PSMG4: variants seen among roughly 807,000 people sequenced by gnomAD.
The protein encoded by PSMG4 is proteasome assembly chaperone 4.
In PSMG4, 10 loss-of-function variants were observed where a neutral mutation model predicts 11.0. The ratio of observed to expected loss-of-function variants is 0.91; its 90% CI spans 0.56 to 1.54. PSMG4 has a LOEUF of 1.54. Ranked by LOEUF, PSMG4 falls within the 40% of genes most tolerant of loss-of-function variation. PSMG4 has a pLI of 0.00. For synonymous variants in PSMG4, 95 were observed against 71.3 expected (o/e 1.33, Z -1.68); for missense variants, 198 against 160.9 (o/e 1.23, Z -1.25).
In PSMG4 at chr6:3,263,548, T is replaced by G. The variant is rs1758071485; in HGVS notation, c.175-136T>G. 12 of 692,722 alleles carry G rather than the reference T, an allele frequency of 1.7e-5. No individual in the cohort carries two copies. The East Asian group carries it at 3.6e-4, about 21-fold the overall frequency. The allele number at this position is 692,722 out of a possible 1,614,324, so 42.9% of individuals were successfully genotyped here. Reference sequence around the variant, plus strand: ...GTTGTTGACGGACGCCACCCCTCTTTCCCTCGGCACCTGTGCCTGTCCTCT... The same window carrying G: ...GTTGTTGACGGACGCCACCCCTCTTGCCCTCGGCACCTGTGCCTGTCCTCT... On this transcript the variant is annotated intron_variant, in intron 1 of 2. Transcript: ENST00000438998.
upstream of PSMG4, among the ~76,000 whole-genome samples, chr6:3,257,596 G>A (rs776105141): frequency 2.6e-5 from 4 of 152,102 alleles, no homozygotes; most frequent in Admixed American, 2.6e-4. Flanking sequence ...TGACACACAA[G>A]CAGATGAACC....
chr6:3,255,375 A>T, upstream of PSMG4: 1 of 1,416,144 alleles, frequency 7.1e-7, no homozygotes, highest in Non-Finnish European at 9.4e-7. Flanking sequence ...GTGGTGGATG[A>T]TGTTTGTTGA....
chr6:3,255,481 C>T (rs1757730505), upstream of PSMG4, among the ~76,000 whole-genome samples: 1 of 152,140 alleles, frequency 6.6e-6, no homozygotes, highest in African/African-American at 2.4e-5. Flanking sequence ...TCTTTCTCCC[C>T]AAAGGTACCT....
intron 1 of PSMG4, among the ~76,000 whole-genome samples, chr6:3,263,018 C>T (rs768234625): frequency 6.6e-5 from 10 of 152,164 alleles, no homozygotes; most frequent in Non-Finnish European, 1.2e-4. Flanking sequence ...AGCAGTTACT[C>T]CCACATCGCC....
Position 3,264,155 on chromosome 6 carries a change from A to G in PSMG4, c.250+396A>G, listed in dbSNP as rs1428914772. ...GAGGAGTCAGTGCAGCTGGTGGAGC[A>G]GGTGTCACCTCTGTGCAGGAAGGAC... On this transcript the variant is annotated intron_variant, in intron 2 of 2. Transcript: ENST00000438998. The G allele has an allele frequency of 3.2e-6, 5 of 1,546,950 alleles. No homozygotes were observed. In the South Asian group the frequency reaches 4.8e-5, roughly 15 times the overall value.
At chr6:3,259,309 C>T (rs1402489668) in intron 1 of PSMG4, 113 bp downstream of exon 1, 7 of 981,546 alleles carry the variant, frequency 7.1e-6, no homozygotes, top group African/African-American at 1.7e-5. Context: ...CGCCCTACTC[C>T]CCCGAAGCCC....
upstream of PSMG4, among the ~76,000 whole-genome samples, chr6:3,254,415 T>G (rs1485103182): frequency 6.6e-6 from 1 of 151,764 alleles, no homozygotes; most frequent in African/African-American, 2.4e-5. Context: ...GTGGCACATC[T>G]GAGGAGGTAT....
In PSMG4 at chr6:3,258,996, G is replaced by A. The variant is rs1388482259; in HGVS notation, c.-27G>A. Reference sequence around the variant, plus strand: ...GCAGCGGCGAGGACCCGGGTCTGGCGCTGTGGGCCGGGAGCCGTGGGGCGG... The same window carrying A: ...GCAGCGGCGAGGACCCGGGTCTGGCACTGTGGGCCGGGAGCCGTGGGGCGG... On this transcript the variant is annotated 5_prime_UTR_variant, in exon 1 of 3. Transcript: ENST00000438998. 2.5e-5 allele frequency: 31 copies of A among 1,240,058 alleles called. No homozygotes were observed. The highest frequency in any genetic ancestry group is 3.0e-5 in the Non-Finnish European group (30 of 991,468). 76.8% of individuals were successfully genotyped at this position (1,240,058 alleles called of 1,614,324 possible). A position where few individuals can be genotyped will look rare whatever the true frequency, so the allele number is the denominator to read the frequency against.
At chr6:3,255,318 TAACGGC>T (rs1482852672), upstream of PSMG4, 1 of 1,500,092 alleles carries the variant, frequency 6.7e-7, no homozygotes. Flanking sequence ...TGGATGAGGC[TAACGGC>T]AACTGGTGGA....
intron 1 of PSMG4, among the ~76,000 whole-genome samples, chr6:3,259,919 C>T (rs1366246438): frequency 2.6e-5 from 4 of 152,166 alleles, no homozygotes; most frequent in Non-Finnish European, 5.9e-5. Flanking sequence ...CCACAGACCG[C>T]GTGGCTTAAA....
chr6:3,263,898 T>G, intron 2 of PSMG4, 139 bp downstream of exon 2: 2 of 1,451,254 alleles, frequency 1.4e-6, no homozygotes, highest in Non-Finnish European at 1.8e-6. Context: ...AGCACAGACC[T>G]TTGCACGTTG....
upstream of PSMG4, among the ~76,000 whole-genome samples, chr6:3,255,454 CCT>C (rs1173508864): frequency 5.1e-5 from 4 of 79,024 alleles, no homozygotes; most frequent in Non-Finnish European, 9.5e-5. Flanking sequence ...CAGACCACCA[CCT>C]CTTTTATCTT....
At position 3,267,737 on chromosome 6, in the gene PSMG4, T is replaced by G. The variant is rs767879008; in HGVS notation, c.*25T>G. On this transcript the variant is annotated 3_prime_UTR_variant, in exon 3 of 3. Transcript: ENST00000438998. Reference sequence around the variant, plus strand: ...GCTGAGTGGCAGAAGTGAGAATTTGTAAACTTATGTACAATGTACGTGTAA... The same window carrying G: ...GCTGAGTGGCAGAAGTGAGAATTTGGAAACTTATGTACAATGTACGTGTAA... 2 of 1,549,200 alleles carry G rather than the reference T, an allele frequency of 1.3e-6. No individual in the cohort carries two copies. The highest frequency in any genetic ancestry group is 2.7e-5 in the African/African-American group (2 of 72,980).
chr6:3,255,084 A>G (rs1345684517), upstream of PSMG4: 5 of 1,550,896 alleles, frequency 3.2e-6, no homozygotes, highest in East Asian at 2.4e-5. Flanking sequence ...TTCTATTCCT[A>G]AGAAGTTGGC....
chr6:3,254,915 G>C (rs1757696945), upstream of PSMG4: 4 of 936,046 alleles, frequency 4.3e-6, no homozygotes, highest in East Asian at 2.6e-5. Flanking sequence ...CTCTGAGCTG[G>C]TGCTTCAGCC....
intron 1 of PSMG4, among the ~76,000 whole-genome samples, chr6:3,262,451 G>A (rs1205292396): frequency 1.3e-5 from 2 of 152,172 alleles, no homozygotes; most frequent in Admixed American, 6.5e-5. Flanking sequence ...TTTTTGTATC[G>A]TTTTTAGTGA....
chr6:3,254,975 G>T, upstream of PSMG4: 5 of 1,422,278 alleles, frequency 3.5e-6, no homozygotes, highest in Non-Finnish European at 4.6e-6. Context: ...ATGTGATGTG[G>T]CTGTGGATCC....
Position 3,263,664 on chromosome 6 carries a change from G to A in PSMG4, c.175-20G>A. ...GCGGGGGGTGGAGAAGCTGCAGTGT[G>A]CCCTTTGCTTTTCTTTTAGGACTCC... is the stretch of plus-strand genomic sequence containing the variant. On this transcript the variant is annotated intron_variant, in intron 1 of 2. Transcript: ENST00000438998. The A allele has an allele frequency of 6.5e-7, 1 of 1,529,594 alleles. No individual in the cohort carries two copies. The highest frequency in any genetic ancestry group is 8.8e-7 in the Non-Finnish European group (1 of 1,137,284). The allele number at this position is 1,529,594 out of a possible 1,614,324, so 94.8% of individuals were successfully genotyped here. A position where few individuals can be genotyped will look rare whatever the true frequency, so the allele number is the denominator to read the frequency against.
upstream of PSMG4, chr6:3,255,063 T>G (rs766573996): frequency 5.7e-5 from 89 of 1,550,794 alleles, 1 homozygote; most frequent in South Asian, 6.7e-4. Flanking sequence ...ACAAACACAC[T>G]TGGAATATGC....
Sources: allele counts gnomAD v4.1 joint callset (sites outside exome capture counted in the v4.1 genomes callset), GRCh38; gene constraint gnomAD v4.1.1; transcripts MANE v1.5; gene names NCBI Gene and HGNC (gene_info 2026-07-23, HGNC 2026-07-21).